CTNNA3: variants seen among roughly 807,000 people sequenced by gnomAD.
The protein encoded by CTNNA3 is catenin alpha-3.
A neutral mutation model predicts 95.7 loss-of-function variants in CTNNA3; 76 were observed. That is an observed-to-expected ratio of 0.79 (90% confidence interval 0.66 to 0.96). The LOEUF (loss-of-function observed/expected upper bound fraction) is 0.96, where lower values mean the gene tolerates loss of function less well. Among genes scored for constraint, CTNNA3 ranks in the 40% least tolerant of loss-of-function variants. The pLI is 0.00. For missense variants in CTNNA3, 1,191 were observed against 1,089.8 expected (o/e 1.09, Z -1.31); for synonymous variants, 431 against 374.4 (o/e 1.15, Z -1.74).
intron 15 of CTNNA3, among the ~76,000 whole-genome samples, chr10:66,006,288 C>T (rs1410913222): frequency 1.3e-5 from 2 of 152,072 alleles, no homozygotes; most frequent in Non-Finnish European, 2.9e-5. Flanking sequence ...GCTGGGATTA[C>T]AGGTGTGAGC....
rs538490306 is a variant in CTNNA3 at position 66,866,542 on chromosome 10, C to T, written c.1048-91018G>A. Among the ~76,000 whole-genome samples the T allele has an allele frequency of 9.9e-5, 15 of 152,232 alleles. No homozygotes were observed. The South Asian group carries it at 3.1e-3, about 32-fold the overall frequency. On this transcript the variant is annotated intron_variant, in intron 7 of 17. Transcript: ENST00000433211. Reference sequence around the variant, plus strand: ...TGACCTAATGACAACTGGTTGAATACCTTATTGCAAAATTGAGACTTAATA... The same window carrying T: ...TGACCTAATGACAACTGGTTGAATATCTTATTGCAAAATTGAGACTTAATA...
chr10:66,852,698 G>C (rs190297080), intron 7 of CTNNA3, among the ~76,000 whole-genome samples: 37 of 152,074 alleles, frequency 2.4e-4, no homozygotes, highest in African/African-American at 8.9e-4. Context: ...TAGTGAAATT[G>C]ATCATTTCAA....
chr10:67,744,654 G>A (rs1255993707), intron 1 of CTNNA3, among the ~76,000 whole-genome samples: 1 of 151,006 alleles, frequency 6.6e-6, no homozygotes, highest in African/African-American at 2.4e-5. Flanking sequence ...TTGACAAATG[G>A]GATCTAATTA....
At chr10:67,373,030 T>C (rs2132708017) in intron 5 of CTNNA3, among the ~76,000 whole-genome samples, 1 of 152,196 alleles carries the variant, frequency 6.6e-6, no homozygotes, top group Non-Finnish European at 1.5e-5. Flanking sequence ...ACATGCCAAA[T>C]TGTAAAGACC....
intron 9 of CTNNA3, among the ~76,000 whole-genome samples, chr10:66,672,391 C>T (rs1846695073): frequency 6.6e-6 from 1 of 152,054 alleles, no homozygotes. Context: ...AGCCATCCTT[C>T]CTTTTGACTC....
intron 7 of CTNNA3, among the ~76,000 whole-genome samples, chr10:66,881,029 C>G (rs1844830495): frequency 6.6e-6 from 1 of 152,112 alleles, no homozygotes; most frequent in African/African-American, 2.4e-5. Flanking sequence ...TCCTGCCACT[C>G]AGTTCACACT....
intron 9 of CTNNA3, among the ~76,000 whole-genome samples, chr10:66,717,335 A>C (rs1848484507): frequency 1.3e-5 from 2 of 152,144 alleles, no homozygotes; most frequent in Non-Finnish European, 2.9e-5. Context: ...GTAAACATAT[A>C]TATGTACTAT....
chr10:66,319,222 T>C (rs1341619618), intron 12 of CTNNA3, among the ~76,000 whole-genome samples: 1 of 152,096 alleles, frequency 6.6e-6, no homozygotes, highest in Non-Finnish European at 1.5e-5. Context: ...TGTTTTATTC[T>C]CCCTTATTCA....
intron 7 of CTNNA3, among the ~76,000 whole-genome samples, chr10:67,044,636 TAA>T (rs1854612764): frequency 1.3e-5 from 2 of 152,324 alleles, no homozygotes; most frequent in South Asian, 4.1e-4. Context: ...CATGTTATAT[TAA>T]GTTTGTGAAA....
At chr10:66,518,166 A>T (rs1282631578) in intron 11 of CTNNA3, among the ~76,000 whole-genome samples, 1 of 152,150 alleles carries the variant, frequency 6.6e-6, no homozygotes. Context: ...GAACTGCTTA[A>T]GTTGTCCATG....
At chr10:67,509,565 C>T (rs189079124) in intron 5 of CTNNA3, among the ~76,000 whole-genome samples, 117 of 152,272 alleles carry the variant, frequency 7.7e-4, no homozygotes, top group Admixed American at 1.9e-3. Flanking sequence ...TGTATATATG[C>T]CACATTTTCT....
At chr10:66,109,655 T>G (rs1032334545) in intron 13 of CTNNA3, among the ~76,000 whole-genome samples, 2 of 152,096 alleles carry the variant, frequency 1.3e-5, no homozygotes, top group African/African-American at 4.8e-5. Context: ...TACTTGCAAA[T>G]AAGTATGTAA....
intron 11 of CTNNA3, among the ~76,000 whole-genome samples, chr10:66,491,873 GA>G (rs751998389): frequency 1.3e-5 from 2 of 152,120 alleles, no homozygotes; most frequent in Non-Finnish European, 2.9e-5. Flanking sequence ...TAGTGGCCAT[GA>G]TATCAGTCTC....
intron 5 of CTNNA3, among the ~76,000 whole-genome samples, chr10:67,280,981 T>C (rs552522794): frequency 7.2e-5 from 11 of 152,274 alleles, no homozygotes; most frequent in Admixed American, 7.2e-4. Context: ...AATGTGTCAA[T>C]CATCAAAACA....
At chr10:66,105,979 C>T (rs573661259) in intron 13 of CTNNA3, among the ~76,000 whole-genome samples, 8 of 152,166 alleles carry the variant, frequency 5.3e-5, no homozygotes, top group Admixed American at 2.6e-4. Flanking sequence ...GAGGCCAAGG[C>T]GGGTGGATCA....
chr10:67,052,540 A>G (rs1369347597), intron 7 of CTNNA3: 1 of 152,190 alleles, frequency 6.6e-6, no homozygotes, highest in East Asian at 1.9e-4. Context: ...GAAAGACAGC[A>G]TTATCATAAA....
At position 67,311,348 on chromosome 10, in the gene CTNNA3, T is replaced by C. The variant is rs74142472; in HGVS notation, c.580-91478A>G. Among the ~76,000 whole-genome samples the C allele has an allele frequency of 9.2e-3, 1,398 of 152,118 alleles. 33 individuals carry two copies. Among genetic ancestry groups the C allele is most frequent in the African/African-American group, 0.032 (1,324 of 41,494 alleles). The stretch of plus-strand genomic sequence containing the variant: ...AGCTTCCAAGCTCTATAAAGGATCA[T>C]GGAAGGAGGGGGGTTGGGAATCTAA... On this transcript the variant is annotated intron_variant, in intron 5 of 17. Coordinates refer to ENST00000433211, the MANE Select transcript of CTNNA3 (RefSeq NM_013266.4).
At chr10:67,641,653 T>G (rs888299077) in intron 2 of CTNNA3, among the ~76,000 whole-genome samples, 1 of 152,200 alleles carries the variant, frequency 6.6e-6, no homozygotes, top group South Asian at 2.1e-4. Context: ...GTGGCACATA[T>G]ACACCATGGA....
At chr10:67,211,665 G>T (rs1183527519) in intron 6 of CTNNA3, among the ~76,000 whole-genome samples, 1 of 152,092 alleles carries the variant, frequency 6.6e-6, no homozygotes, top group Non-Finnish European at 1.5e-5. Flanking sequence ...TCATCCAATA[G>T]CAAAGACAGA....
Sources: allele counts gnomAD v4.1 joint callset (sites outside exome capture counted in the v4.1 genomes callset), GRCh38; gene constraint gnomAD v4.1.1; transcripts MANE v1.5; gene names NCBI Gene and HGNC (gene_info 2026-07-23, HGNC 2026-07-21).